GLYATL1B: variants seen among roughly 807,000 people sequenced by gnomAD.
GLYATL1B encodes glycine-N-acyltransferase like 1B.
In GLYATL1B, 6 loss-of-function variants were observed where a neutral mutation model predicts 5.5. The ratio of observed to expected loss-of-function variants is 1.09; its 90% confidence interval spans 0.60 to 2.15. The LOEUF is 2.15. GLYATL1B is among the 30% of genes most tolerant of loss of function. The pLI is 0.00. For synonymous variants in GLYATL1B, 67 were observed against 34.9 expected, an observed-to-expected ratio of 1.92 and a Z score of -3.24; for missense variants, 135 against 94.1, an observed-to-expected ratio of 1.43 and a Z score of -1.80.
chr11:59,094,640 C>G lies in GLYATL1B; in HGVS notation c.763C>G (p.Leu255Val). Reference protein sequence around the residue: ...TRLIMRCMKYLCQKNIPFYGS... With the variant: ...TRLIMRCMKYVCQKNIPFYGS... ...GCTGATCATGCGATGCATGAAGTAT[C>G]TGTGTCAGAAGAATATTCCATTTTA... The change falls in exon 5 of 5, where the codon CTG becomes GTG. Residue 255 changes from leucine (L) to valine (V), a missense_variant. By Grantham distance (32) the Leu-to-Val change is conservative. Coordinates refer to ENST00000527482, the MANE Select transcript of GLYATL1B (RefSeq NM_001355566.1). 2.3e-6 allele frequency: 1 copy of G among 433,726 alleles called. No individual in the cohort carries two copies. Among genetic ancestry groups the G allele is most frequent in the Non-Finnish European group, 4.2e-6 (1 of 239,936 alleles). 26.9% of individuals were successfully genotyped at this position (433,726 alleles called of 1,614,324 possible). A position where few individuals can be genotyped will look rare whatever the true frequency, so the allele number is the denominator to read the frequency against.
chr11:59,088,264 A>G (rs1419625582), intron 2 of GLYATL1B, among the ~76,000 whole-genome samples: 1 of 152,212 alleles, frequency 6.6e-6, no homozygotes, highest in Admixed American at 6.5e-5. Flanking sequence ...ATTAGCCATT[A>G]TTGGCCGAGG....
intron 1 of GLYATL1B, 120 bp from the exon 2 acceptor site, chr11:59,086,944 A>G (rs1403975571): frequency 9.1e-6 from 4 of 439,588 alleles, no homozygotes; most frequent in Non-Finnish European, 1.2e-5. Context: ...TGTTCATCTC[A>G]TCATCACTGA....
At chr11:59,087,555 C>T (rs1465052908) in intron 2 of GLYATL1B, among the ~76,000 whole-genome samples, 3 of 152,114 alleles carry the variant, frequency 2.0e-5, no homozygotes, top group African/African-American at 7.2e-5. Context: ...AGTAAAATTA[C>T]ATCTCATGGC....
intron 2 of GLYATL1B, among the ~76,000 whole-genome samples, chr11:59,093,064 G>C (rs911621298): frequency 6.6e-6 from 1 of 152,168 alleles, no homozygotes; most frequent in African/African-American, 2.4e-5. Flanking sequence ...GTCCCACAGG[G>C]GGTTATGTGG....
Position 59,087,120 on chromosome 11 carries a change from G to T in GLYATL1B, c.135G>T (p.Leu45Phe), listed in dbSNP as rs1157069515. The T allele has an allele frequency of 7.4e-6, 5 of 677,618 alleles. No individual in the cohort carries two copies. Among genetic ancestry groups the T allele is most frequent in the Admixed American group, 1.9e-5 (1 of 52,842 alleles). The allele number at this position is 677,618 out of a possible 1,614,324, so 42.0% of individuals were successfully genotyped here. Residue 45 changes from leucine (L) to phenylalanine (F), a missense_variant, in exon 2 of 5, where the codon TTG (leucine) becomes TTT (phenylalanine). Transcript: ENST00000527482. Reference protein sequence around the residue: ...NHGNPFNMEVLVDSWPEYQMV... With the variant: ...NHGNPFNMEVFVDSWPEYQMV... ...GGAACCCCTTCAACATGGAAGTGTT[G>T]GTGGACTCCTGGCCCGAGTATCAGA...
Position 59,086,349 on chromosome 11 carries a change from A to T in GLYATL1B, c.43A>T (p.Lys15Ter), listed in dbSNP as rs970083257. 1.8e-5 allele frequency: 7 copies of T among 398,940 alleles called. No individual in the cohort carries two copies. The highest frequency in any genetic ancestry group is 2.7e-5 in the Non-Finnish European group (6 of 225,882). The allele number at this position is 398,940 out of a possible 1,614,324, so 24.7% of individuals were successfully genotyped here. A position where few individuals can be genotyped will look rare whatever the true frequency, so the allele number is the denominator to read the frequency against. Residue 15 changes from lysine to a stop codon, truncating the protein, a stop_gained, in exon 1 of 5, where the codon AAA (lysine) becomes TAA (stop). Transcript: ENST00000527482. LOFTEE classifies it high-confidence loss of function. Reference sequence around the variant, plus strand: ...TTCCGAGCGGCTGCTGGCCCTATTCAAATCTTTAGCAAGGAGCATTCCTGA... The same window carrying T: ...TTCCGAGCGGCTGCTGGCCCTATTCTAATCTTTAGCAAGGAGCATTCCTGA... The part of the protein sequence containing the change: ...NNSERLLALF[K>*]SLARSIPESL...
At chr11:59,086,766 C>A (rs1248698305) in intron 1 of GLYATL1B, among the ~76,000 whole-genome samples, 31 of 151,898 alleles carry the variant, frequency 2.0e-4, no homozygotes, top group South Asian at 1.0e-3. Context: ...GTACCTACCT[C>A]TTAAAGTTGT....
intron 2 of GLYATL1B, among the ~76,000 whole-genome samples, chr11:59,092,403 T>G (rs749694585): frequency 4.6e-5 from 7 of 152,348 alleles, no homozygotes; most frequent in Non-Finnish European, 8.8e-5. Context: ...GAATATTTAC[T>G]TGGCTATGTT....
intron 2 of GLYATL1B, among the ~76,000 whole-genome samples, chr11:59,092,091 G>A (rs1030617338): frequency 7.9e-5 from 12 of 151,922 alleles, no homozygotes; most frequent in African/African-American, 2.9e-4. Context: ...TTGCCTTGGA[G>A]TAGTATATAA....
At chr11:59,086,804 A>G (rs979149160) in intron 1 of GLYATL1B, among the ~76,000 whole-genome samples, 5 of 152,324 alleles carry the variant, frequency 3.3e-5, no homozygotes, top group Admixed American at 2.0e-4. Flanking sequence ...TCCATACAAT[A>G]TAAGTGCTAA....
rs372701590 is a variant in GLYATL1B at position 59,088,152 on chromosome 11, A to C, written c.186+981A>C. ...GTTTTATCATCTGTTAAAATGGGAA[A>C]AATAGGAGGACATTCTTCAGAGGAT... On this transcript the variant is annotated intron_variant, in intron 2 of 4. Transcript: ENST00000527482. 1.1e-4 allele frequency among the ~76,000 whole-genome samples: 17 copies of C among 152,326 alleles called. 1 individual carries two copies. The East Asian group carries it at 2.1e-3, about 19-fold the overall frequency.
intron 2 of GLYATL1B, among the ~76,000 whole-genome samples, 193 bp downstream of exon 2, chr11:59,087,364 G>A (rs547647076): frequency 2.0e-5 from 3 of 151,928 alleles, no homozygotes; most frequent in African/African-American, 7.2e-5. Flanking sequence ...GACTCATTAG[G>A]GAAAGGGGGT....
intron 3 of GLYATL1B, 132 bp from the exon 4 acceptor site, chr11:59,093,802 C>A: frequency 2.2e-6 from 1 of 449,918 alleles, no homozygotes; most frequent in East Asian, 3.5e-5. Flanking sequence ...CTGTGGTGTG[C>A]CAAGGACTAT....
intron 4 of GLYATL1B, 121 bp downstream of exon 4, chr11:59,094,232 T>C: frequency 2.0e-6 from 1 of 499,240 alleles, no homozygotes; most frequent in Non-Finnish European, 3.6e-6. Flanking sequence ...ATAAAGGTTG[T>C]CAGTGGTCAA....
intron 2 of GLYATL1B, among the ~76,000 whole-genome samples, chr11:59,093,044 C>A (rs1360557959): frequency 6.6e-6 from 1 of 152,160 alleles, no homozygotes; most frequent in Non-Finnish European, 1.5e-5. Flanking sequence ...CTCAGTACAA[C>A]CCAGAATATG....
At chr11:59,090,054 A>G (rs1040782767) in intron 2 of GLYATL1B, among the ~76,000 whole-genome samples, 1 of 152,082 alleles carries the variant, frequency 6.6e-6, no homozygotes, top group Non-Finnish European at 1.5e-5. Context: ...TGGCTGGCTA[A>G]TTACGTTAGT....
intron 2 of GLYATL1B, among the ~76,000 whole-genome samples, chr11:59,092,483 G>A (rs1292694095): frequency 3.3e-5 from 5 of 151,920 alleles, no homozygotes; most frequent in Non-Finnish European, 4.4e-5. Context: ...GTTGTGTTTT[G>A]GCCATATTCA....
intron 2 of GLYATL1B, among the ~76,000 whole-genome samples, chr11:59,090,926 G>A (rs1016780905): frequency 3.3e-5 from 5 of 151,994 alleles, no homozygotes; most frequent in Non-Finnish European, 5.9e-5. Flanking sequence ...GTCTTTACAG[G>A]CTTAGAGCAC....
rs1352141425 is a variant in GLYATL1B at position 59,094,593 on chromosome 11, G to C, written c.716G>C (p.Arg239Pro). The change falls in exon 5 of 5, where the codon CGA (arginine) becomes CCA (proline). Residue 239 changes from arginine to proline, a missense_variant. By Grantham distance (103) the Arg-to-Pro change is moderately radical. Coordinates refer to ENST00000527482, the MANE Select transcript of GLYATL1B (RefSeq NM_001355566.1). ...ATGGGCTACAGTGTGGAAAAATACC[G>C]AAGGAGAGGCAATGGGACACGGCTG... ...IGMGYSVEKY[R>P]RRGNGTRLIM... 4.1e-6 allele frequency: 2 copies of C among 490,954 alleles called. No individual in the cohort carries two copies. Among genetic ancestry groups the C allele is most frequent in the Non-Finnish European group, 7.3e-6 (2 of 273,466 alleles). The allele number at this position is 490,954 out of a possible 1,614,324, so 30.4% of individuals were successfully genotyped here.
Sources: gnomAD v4.1 joint callset for allele counts (sites outside exome capture counted in the v4.1 genomes callset) on GRCh38, gnomAD v4.1.1 for gene constraint, MANE v1.5 for transcripts, NCBI Gene and HGNC (gene_info 2026-07-23, HGNC 2026-07-21) for gene names.